The following SOX5 variants were observed in gnomAD, a reference collection of about 807,000 sequenced individuals.
The protein encoded by SOX5 is SRY-box transcription factor 5, also known as transcription factor SOX-5.
A neutral mutation model predicts 92.0 loss-of-function variants in SOX5; 9 were observed. That is an observed-to-expected ratio of 0.10 (90% CI 0.06 to 0.17). The LOEUF (loss-of-function observed/expected upper bound fraction) is 0.17, where lower values mean the gene tolerates loss of function less well. SOX5 is among the 10% of genes least tolerant of loss of function. The pLI is 1.00. For missense variants in SOX5, 642 were observed against 944.5 expected (o/e 0.68, Z 4.20); for synonymous variants, 344 against 336.3 (o/e 1.02, Z -0.25).
At chr12:24,266,682 C>A (rs148171547) in intron 3 of SOX5, among the ~76,000 whole-genome samples, 1 of 152,248 alleles carries the variant, frequency 6.6e-6, no homozygotes, top group African/African-American at 2.4e-5. Context: ...TAAATGATAT[C>A]CTAATTGCAT....
At chr12:23,993,910 T>C (rs1175602086) in intron 4 of SOX5, among the ~76,000 whole-genome samples, 1 of 151,558 alleles carries the variant, frequency 6.6e-6, no homozygotes, top group East Asian at 1.9e-4. Flanking sequence ...TATGTATGTA[T>C]GTATGCATGT....
intron 4 of SOX5, among the ~76,000 whole-genome samples, chr12:24,177,284 T>A (rs1308197269): frequency 6.6e-6 from 1 of 152,192 alleles, no homozygotes; most frequent in Non-Finnish European, 1.5e-5. Context: ...CTTATACATG[T>A]CAGAGCCTGA....
intron 4 of SOX5, among the ~76,000 whole-genome samples, chr12:24,074,363 C>A (rs1397453010): frequency 6.6e-6 from 1 of 151,482 alleles, no homozygotes; most frequent in Non-Finnish European, 1.5e-5. Flanking sequence ...TGAATGATTT[C>A]ATAATCTTAA....
At chr12:23,668,224 A>G (rs1410172802) in intron 6 of SOX5, among the ~76,000 whole-genome samples, 1 of 152,210 alleles carries the variant, frequency 6.6e-6, no homozygotes, top group African/African-American at 2.4e-5. Flanking sequence ...ATATTAAACA[A>G]GGTATTTTTA....
At chr12:23,548,453 C>T (rs1469199058) in intron 11 of SOX5, among the ~76,000 whole-genome samples, 4 of 151,942 alleles carry the variant, frequency 2.6e-5, no homozygotes, top group Non-Finnish European at 4.4e-5. Flanking sequence ...CTCAAGAGGA[C>T]GTCAGTGGGA....
At chr12:23,614,364 T>C (rs17383970) in intron 8 of SOX5, among the ~76,000 whole-genome samples, 12,646 of 152,250 alleles carry the variant, frequency 0.083, 701 homozygotes, top group Non-Finnish European at 0.12. Context: ...TTTGGCCAGA[T>C]GTGAGGTAAA....
intron 3 of SOX5, among the ~76,000 whole-genome samples, chr12:24,262,185 A>G (rs866098092): frequency 6.6e-6 from 1 of 152,202 alleles, no homozygotes; most frequent in African/African-American, 2.4e-5. Context: ...TTGCAATGAA[A>G]CAATTCTGCA....
chr12:24,231,494 G>A (rs1238659649), intron 3 of SOX5, among the ~76,000 whole-genome samples: 1 of 152,172 alleles, frequency 6.6e-6, no homozygotes, highest in Non-Finnish European at 1.5e-5. Context: ...GGAAGTATAG[G>A]CTAGAGGTTT....
rs567890959 is a variant in SOX5, at chr12:23,667,069, G to A, written c.811-1505C>T. 1.2e-4 allele frequency among the ~76,000 whole-genome samples: 18 copies of A among 152,186 alleles called. No homozygotes were observed. The East Asian group carries it at 3.5e-3, about 29-fold the overall frequency. Reference sequence around the variant, plus strand: ...GAGTGTGGGGGGCAGCGAGGACTGAGAGAGGGAGAAGGGGAGGAGAGGGAG... The same window carrying A: ...GAGTGTGGGGGGCAGCGAGGACTGAAAGAGGGAGAAGGGGAGGAGAGGGAG... On this transcript the variant is annotated intron_variant, in intron 6 of 14. Transcript: ENST00000451604.
chr12:24,296,046 A>C (rs1947201162), intron 2 of SOX5, among the ~76,000 whole-genome samples: 1 of 152,228 alleles, frequency 6.6e-6, no homozygotes, highest in African/African-American at 2.4e-5. Context: ...AATCTGAAGC[A>C]CTCACAGAAC....
chr12:24,505,206 T>A (rs1948603561), intron 1 of SOX5, among the ~76,000 whole-genome samples: 1 of 152,238 alleles, frequency 6.6e-6, no homozygotes, highest in Non-Finnish European at 1.5e-5. Context: ...TCTGCTAAAT[T>A]AGATCAACAT....
rs34975795 is a variant in SOX5, at chr12:23,674,336, A to ATTTTTTTTTTTTTTTTTT, written c.811-8790_811-8773dup. On this transcript the variant is annotated intron_variant, in intron 6 of 14. Transcript: ENST00000451604. Reference sequence around the variant, plus strand: ...AAATATTTTCTTACCATAAAAAGGAATTTTTTTTTTTTTTTTTTGAGACGG... The same window carrying ATTTTTTTTTTTTTTTTTT: ...AAATATTTTCTTACCATAAAAAGGAATTTTTTTTTTTTTTTTTTTTTTTTTTTTTTTTTTTTGAGACGG... Among the ~76,000 whole-genome samples the ATTTTTTTTTTTTTTTTTT allele has an allele frequency of 7.7e-4, 75 of 97,374 alleles. 6 individuals carry two copies. The highest frequency in any genetic ancestry group is 9.5e-4 in the Non-Finnish European group (51 of 53,720). 63.9% of individuals were successfully genotyped at this position (97,374 alleles called of 152,430 possible).
chr12:24,445,054 C>T (rs140978861), intron 1 of SOX5, among the ~76,000 whole-genome samples: 2 of 152,202 alleles, frequency 1.3e-5, no homozygotes, highest in East Asian at 1.9e-4. Context: ...CTGATTCCAC[C>T]GGTACCTCCA....
At chr12:24,419,207 C>T (rs1965525544) in intron 1 of SOX5, among the ~76,000 whole-genome samples, 1 of 152,140 alleles carries the variant, frequency 6.6e-6, no homozygotes, top group Admixed American at 6.5e-5. Context: ...CAGCTCACTG[C>T]AACCTCCACC....
intron 4 of SOX5, among the ~76,000 whole-genome samples, chr12:24,145,590 A>G (rs1951001686): frequency 6.6e-6 from 1 of 152,142 alleles, no homozygotes; most frequent in African/African-American, 2.4e-5. Context: ...TCAACCTCCC[A>G]GGCTCAAGAA....
At chr12:23,966,241 A>C (rs11047176) in intron 4 of SOX5, among the ~76,000 whole-genome samples, 17,524 of 129,112 alleles carry the variant, frequency 0.14, 2,383 homozygotes, top group East Asian at 0.62. Context: ...AAAAAAAAAA[A>C]GCTGTTTGGG....
intron 3 of SOX5, among the ~76,000 whole-genome samples, chr12:24,214,976 A>G (rs1348511396): frequency 6.6e-6 from 1 of 152,124 alleles, no homozygotes; most frequent in African/African-American, 2.4e-5. Flanking sequence ...CAAATAACAT[A>G]CCATACCATA....
chr12:24,547,624 G>A (rs1350396957), intron 1 of SOX5, among the ~76,000 whole-genome samples: 1 of 152,146 alleles, frequency 6.6e-6, no homozygotes, highest in Non-Finnish European at 1.5e-5. Context: ...ATAGCCTTGG[G>A]TTTTATATTA....
chr12:24,335,972 C>CATATATATATATATATATATAT (rs57461232), intron 2 of SOX5, among the ~76,000 whole-genome samples: 3,152 of 58,302 alleles, frequency 0.054, 461 homozygotes, highest in South Asian at 0.14. Context: ...GAAATGCTAT[C>CATATATATATATATATATATAT]ATATATATAT....
Sources: allele counts gnomAD v4.1 joint callset (sites outside exome capture counted in the v4.1 genomes callset), GRCh38; gene constraint gnomAD v4.1.1; transcripts MANE v1.5; gene names NCBI Gene and HGNC (gene_info 2026-07-23, HGNC 2026-07-21).